Variants in KCNMB2 observed in about 807,000 individuals in gnomAD.
KCNMB2 encodes potassium calcium-activated channel subfamily M regulatory beta subunit 2, also known as calcium-activated potassium channel subunit beta-2.
In KCNMB2, 9 loss-of-function variants were observed where a neutral mutation model predicts 24.5. The ratio of observed to expected loss-of-function variants is 0.37; its 90% CI spans 0.22 to 0.64. KCNMB2 has a LOEUF of 0.64. Ranked by LOEUF, KCNMB2 falls within the 30% of genes least tolerant of loss-of-function variation. The pLI is 0.63. For synonymous variants in KCNMB2, 109 were observed against 104.4 expected, an observed-to-expected ratio of 1.04 and a Z score of -0.27; for missense variants, 226 against 284.3, an observed-to-expected ratio of 0.79 and a Z score of 1.47.
At chr3:178,661,394 C>A (rs1211656871) in intron 1 of KCNMB2, among the ~76,000 whole-genome samples, 1 of 152,042 alleles carries the variant, frequency 6.6e-6, no homozygotes, top group Admixed American at 6.6e-5. Flanking sequence ...CATTGATGGG[C>A]ATCTTGGTTG....
intron 1 of KCNMB2, among the ~76,000 whole-genome samples, chr3:178,736,529 C>T (rs73049731): frequency 0.024 from 3,671 of 152,266 alleles, 157 homozygotes; most frequent in African/African-American, 0.083. Context: ...AAACTCCTGA[C>T]ACAGCGCCAG....
chr3:178,816,097 G>T (rs150175237), intron 2 of KCNMB2, among the ~76,000 whole-genome samples: 9 of 151,830 alleles, frequency 5.9e-5, no homozygotes, highest in African/African-American at 1.9e-4. Context: ...GTACAGTTTA[G>T]CTATAAATCA....
intron 1 of KCNMB2, among the ~76,000 whole-genome samples, chr3:178,566,601 T>A (rs1175333170): frequency 6.6e-6 from 1 of 152,220 alleles, no homozygotes; most frequent in East Asian, 1.9e-4. Flanking sequence ...CCAGTTTCTC[T>A]GTTTTTTGTT....
At chr3:178,834,993 T>A (rs551501985) in intron 4 of KCNMB2, among the ~76,000 whole-genome samples, 39 of 152,050 alleles carry the variant, frequency 2.6e-4, no homozygotes, top group African/African-American at 8.9e-4. Context: ...GATATCAGCC[T>A]CACTTTAGGA....
intron 1 of KCNMB2, among the ~76,000 whole-genome samples, chr3:178,543,294 C>T (rs1229752366): frequency 2.0e-5 from 3 of 152,224 alleles, no homozygotes; most frequent in East Asian, 3.9e-4. Flanking sequence ...TCTGAGATAC[C>T]AAACCTAATT....
intron 1 of KCNMB2, among the ~76,000 whole-genome samples, chr3:178,577,139 C>T (rs1269087668): frequency 6.6e-6 from 1 of 152,152 alleles, no homozygotes; most frequent in African/African-American, 2.4e-5. Context: ...CTGGTGGGTG[C>T]CTCTCTGGGA....
At chr3:178,644,995 G>A (rs1251768500) in intron 1 of KCNMB2, among the ~76,000 whole-genome samples, 2 of 150,898 alleles carry the variant, frequency 1.3e-5, no homozygotes, top group Non-Finnish European at 3.0e-5. Context: ...TTTTTAAAAC[G>A]TTGCCTTCTT....
intron 1 of KCNMB2, among the ~76,000 whole-genome samples, chr3:178,787,874 T>G (rs754057028): frequency 5.3e-5 from 8 of 152,232 alleles, no homozygotes; most frequent in Non-Finnish European, 1.0e-4. Context: ...GATTGAAATT[T>G]TATCTTCACC....
At chr3:178,801,045 G>C (rs1313718300) in intron 1 of KCNMB2, among the ~76,000 whole-genome samples, 1 of 152,078 alleles carries the variant, frequency 6.6e-6, no homozygotes. Context: ...GTCAGGAATG[G>C]AGGGAGAAAA....
chr3:178,635,550 T>C (rs1326483934), intron 1 of KCNMB2, among the ~76,000 whole-genome samples: 2 of 152,108 alleles, frequency 1.3e-5, no homozygotes, highest in Non-Finnish European at 2.9e-5. Flanking sequence ...TGTGTCACAG[T>C]TTTCTATGAA....
intron 1 of KCNMB2, among the ~76,000 whole-genome samples, chr3:178,549,398 C>A (rs1044340936): frequency 2.0e-5 from 3 of 150,034 alleles, no homozygotes; most frequent in Admixed American, 6.6e-5. Flanking sequence ...GCAGTCTCTG[C>A]CTCCTGGGTT....
At chr3:178,800,826 A>C (rs1033999564) in intron 1 of KCNMB2, among the ~76,000 whole-genome samples, 4 of 152,176 alleles carry the variant, frequency 2.6e-5, no homozygotes, top group African/African-American at 4.8e-5. Context: ...ACATATACAC[A>C]ATGAAGTACT....
At chr3:178,632,705 A>T (rs1055930053) in intron 1 of KCNMB2, among the ~76,000 whole-genome samples, 3 of 151,780 alleles carry the variant, frequency 2.0e-5, no homozygotes, top group Non-Finnish European at 3.0e-5. Context: ...GCCCCTCCCA[A>T]ATCTCATGTC....
chr3:178,582,568 C>T lies in KCNMB2; in HGVS notation c.-68+45857C>T, dbSNP rs138471747. Among the ~76,000 whole-genome samples, 775 of 152,202 alleles carry T rather than the reference C, an allele frequency of 5.1e-3. 8 individuals carry two copies. The highest frequency in any genetic ancestry group is 0.018 in the African/African-American group (740 of 41,554). ...AATATTTTAATTTATTTCCTTAAGA[C>T]ATGTCATGTAATTACAAGATAATGG... On this transcript the variant is annotated intron_variant, in intron 1 of 4. Transcript: ENST00000452583.
chr3:178,575,268 C>T (rs1716951023), intron 1 of KCNMB2, among the ~76,000 whole-genome samples: 1 of 152,080 alleles, frequency 6.6e-6, no homozygotes. Context: ...AGGAAGGGGA[C>T]TCAGTGAATA....
chr3:178,703,807 T>A (rs567465395), intron 1 of KCNMB2, among the ~76,000 whole-genome samples: 142 of 152,290 alleles, frequency 9.3e-4, no homozygotes, highest in African/African-American at 3.1e-3. Context: ...AGACCCAATC[T>A]CTTTCTAAAC....
chr3:178,790,862 A>G (rs1284353256), intron 1 of KCNMB2, among the ~76,000 whole-genome samples: 1 of 152,246 alleles, frequency 6.6e-6, no homozygotes, highest in Non-Finnish European at 1.5e-5. Flanking sequence ...CAATTAAGGT[A>G]GTATCTCTAC....
At chr3:178,827,291 A>G (rs1029681735) in intron 3 of KCNMB2, among the ~76,000 whole-genome samples, 1 of 152,162 alleles carries the variant, frequency 6.6e-6, no homozygotes, top group Admixed American at 6.5e-5. Flanking sequence ...TCCAGGTGAG[A>G]GATAACAGGG....
intron 1 of KCNMB2, among the ~76,000 whole-genome samples, chr3:178,718,303 C>A (rs1722684743): frequency 6.6e-6 from 1 of 152,204 alleles, no homozygotes; most frequent in South Asian, 2.1e-4. Context: ...CATTGCATTG[C>A]CCTGTATGCA....
Sources: allele counts gnomAD v4.1 joint callset (sites outside exome capture counted in the v4.1 genomes callset), GRCh38; gene constraint gnomAD v4.1.1; transcripts MANE v1.5; gene names NCBI Gene and HGNC (gene_info 2026-07-23, HGNC 2026-07-21).